The following CHAT variants were observed in gnomAD, a reference collection of about 807,000 sequenced individuals.
CHAT encodes the protein choline O-acetyltransferase.
CHAT carries 61 observed loss-of-function variants against 76.9 expected under a neutral mutation model. That is an observed-to-expected ratio of 0.79 (90% CI 0.65 to 0.98). CHAT has a LOEUF of 0.98. CHAT is among the 50% of genes least tolerant of loss of function. The pLI is 0.00. For synonymous variants in CHAT, 407 were observed against 397.4 expected, an observed-to-expected ratio of 1.02 and a Z score of -0.29; for missense variants, 946 against 986.9, an observed-to-expected ratio of 0.96 and a Z score of 0.56.
intron 6 of CHAT, among the ~76,000 whole-genome samples, chr10:49,626,458 A>T (rs1838925234): frequency 6.6e-6 from 1 of 152,186 alleles, no homozygotes; most frequent in East Asian, 1.9e-4. Context: ...CTACAATGTG[A>T]TCCTGGGCTC....
At chr10:49,636,132 ATGT>A (rs1328016372) in intron 7 of CHAT, among the ~76,000 whole-genome samples, 5 of 152,212 alleles carry the variant, frequency 3.3e-5, no homozygotes, top group African/African-American at 1.2e-4. Flanking sequence ...TTTAAATATG[ATGT>A]TAGCTATAAG....
At position 49,667,538 on chromosome 10, in the gene CHAT, C is replaced by A. The variant is rs911767052; in HGVS notation, c.*2492C>A. On this transcript the variant is annotated 3_prime_UTR_variant, in exon 15 of 15. Transcript: ENST00000337653. ...GAGGCTGGAAGCTGGTCTTCCCCCT[C>A]CAAGAATACACGGGTGCACTGAGTC... is the stretch of plus-strand genomic sequence containing the variant. Among the ~76,000 whole-genome samples the A allele has an allele frequency of 6.6e-6, 1 of 152,150 alleles. No individual in the cohort carries two copies. Among genetic ancestry groups the A allele is most frequent in the Non-Finnish European group, 1.5e-5 (1 of 68,024 alleles).
upstream of CHAT, chr10:49,612,686 T>G (rs1444045312): frequency 7.1e-6 from 2 of 283,572 alleles, no homozygotes. Context: ...CCGCGGCGCC[T>G]CCGCCCAAAT....
In CHAT at chr10:49,667,287, G is replaced by C. The variant is rs893846504; in HGVS notation, c.*2241G>C. 1.6e-4 allele frequency among the ~76,000 whole-genome samples: 24 copies of C among 152,104 alleles called. No homozygotes were observed. Among genetic ancestry groups the C allele is most frequent in the African/African-American group, 5.6e-4 (23 of 41,422 alleles). On this transcript the variant is annotated 3_prime_UTR_variant, in exon 15 of 15. Transcript: ENST00000337653. The stretch of plus-strand genomic sequence containing the variant: ...AAGTAGGGGCAGGGAGGCTTCATGG[G>C]GCCTACCTTTGGGATGACATTACCC...
chr10:49,630,396 G>C (rs923726294), intron 7 of CHAT, among the ~76,000 whole-genome samples: 6 of 146,844 alleles, frequency 4.1e-5, no homozygotes, highest in African/African-American at 1.5e-4. Context: ...AGGAGGAACA[G>C]GACACAGGGG....
intron 4 of CHAT, among the ~76,000 whole-genome samples, chr10:49,620,971 T>C (rs1309981168): frequency 6.6e-6 from 1 of 152,184 alleles, no homozygotes; most frequent in Non-Finnish European, 1.5e-5. Context: ...CCCCAGGCTG[T>C]CTGAGAGGGC....
intron 10 of CHAT, among the ~76,000 whole-genome samples, chr10:49,649,879 T>G (rs11101195): frequency 2.2e-5 from 1 of 45,466 alleles, no homozygotes; most frequent in Non-Finnish European, 9.3e-5. Context: ...TTTTTTTTTT[T>G]TTTTTTTTTT....
chr10:49,657,010 AAG>A (rs1840056461), intron 13 of CHAT, among the ~76,000 whole-genome samples: 1 of 152,224 alleles, frequency 6.6e-6, no homozygotes, highest in Non-Finnish European at 1.5e-5. Flanking sequence ...CACCAGGGCA[AAG>A]AGAACAGGAA....
At chr10:49,624,128 T>C (rs1225444887) in intron 5 of CHAT, among the ~76,000 whole-genome samples, 1 of 152,198 alleles carries the variant, frequency 6.6e-6, no homozygotes, top group Admixed American at 6.5e-5. Flanking sequence ...TCTGGCCCTG[T>C]CTTCACTGGG....
At position 49,614,384 on chromosome 10, in the gene CHAT, A is replaced by T. The variant is rs1407177949; in HGVS notation, c.195A>T (p.Thr65=). ...GCAGCCCCCACCCCCGCGCTGCGAC[A>T]CGCCCCCCACCCCTTCCGGCTCACA... ...PGCSPHPRAA[T]RPPPLPAHTP... is the part of the protein sequence containing the mutation. Residue 65 remains threonine, a synonymous_variant, in exon 1 of 15, where the codon ACA becomes ACT. Transcript: ENST00000337653. 1 of 1,541,494 alleles carries T rather than the reference A, an allele frequency of 6.5e-7. No individual in the cohort carries two copies. The highest frequency in any genetic ancestry group is 1.2e-5 in the South Asian group (1 of 83,776).
chr10:49,610,803 G>T (rs746751945), upstream of CHAT: 1 of 1,593,402 alleles, frequency 6.3e-7, no homozygotes, highest in Non-Finnish European at 8.5e-7. Flanking sequence ...CGGAGGCTGT[G>T]GGCGCGGCGC....
At chr10:49,615,230 C>G (rs1838444359) in intron 1 of CHAT, among the ~76,000 whole-genome samples, 2 of 152,184 alleles carry the variant, frequency 1.3e-5, no homozygotes, top group Non-Finnish European at 2.9e-5. Flanking sequence ...CTTTACCAAC[C>G]TGACCTTGTC....
intron 13 of CHAT, among the ~76,000 whole-genome samples, chr10:49,659,883 T>A (rs573215721): frequency 6.6e-6 from 1 of 151,818 alleles, no homozygotes; most frequent in South Asian, 2.1e-4. Flanking sequence ...AATAAATAAA[T>A]AAAATAGATA....
In CHAT at chr10:49,642,509, C is replaced by T. The variant is rs1007455602; in HGVS notation, c.1112-3996C>T. On this transcript the variant is annotated intron_variant, in intron 7 of 14. Transcript: ENST00000337653. Reference sequence around the variant, plus strand: ...TCAGTGCCTCCTCACAATCTGCCTCCCCTGCCTGGAGGTGACAAGGGCAGT... The same window carrying T: ...TCAGTGCCTCCTCACAATCTGCCTCTCCTGCCTGGAGGTGACAAGGGCAGT... 3.3e-5 allele frequency among the ~76,000 whole-genome samples: 5 copies of T among 152,232 alleles called. No homozygotes were observed. In the South Asian group the frequency reaches 8.3e-4, roughly 25 times the overall value.
At chr10:49,653,226 A>G (rs1429732676) in intron 11 of CHAT, among the ~76,000 whole-genome samples, 1 of 152,046 alleles carries the variant, frequency 6.6e-6, no homozygotes, top group Non-Finnish European at 1.5e-5. Context: ...TGGCCCAGGT[A>G]GCTGTGTGTC....
intron 7 of CHAT, among the ~76,000 whole-genome samples, chr10:49,638,447 G>A (rs1252295540): frequency 1.3e-5 from 2 of 152,018 alleles, no homozygotes; most frequent in Non-Finnish European, 2.9e-5. Flanking sequence ...CATAATTATC[G>A]ATGTGTTAGG....
intron 7 of CHAT, among the ~76,000 whole-genome samples, chr10:49,631,896 C>A (rs2132749453): frequency 1.3e-5 from 2 of 150,902 alleles, no homozygotes; most frequent in Middle Eastern, 6.8e-3. Context: ...GAATTGAGAG[C>A]CCAGATATTC....
At chr10:49,657,158 G>A (rs961627326) in intron 13 of CHAT, among the ~76,000 whole-genome samples, 6 of 152,108 alleles carry the variant, frequency 3.9e-5, no homozygotes, top group East Asian at 1.9e-4. Context: ...GAGGTCGGAC[G>A]TCCAAGATCA....
chr10:49,643,648 C>T (rs994671841), intron 7 of CHAT, among the ~76,000 whole-genome samples: 1 of 152,192 alleles, frequency 6.6e-6, no homozygotes, highest in Non-Finnish European at 1.5e-5. Context: ...CCCCCACTCC[C>T]CCATCAATTC....
Sources: gnomAD v4.1 joint callset for allele counts (sites outside exome capture counted in the v4.1 genomes callset) on GRCh38, gnomAD v4.1.1 for gene constraint, MANE v1.5 for transcripts, NCBI Gene and HGNC (gene_info 2026-07-23, HGNC 2026-07-21) for gene names.